STAB2: variants seen among roughly 807,000 people sequenced by gnomAD.
STAB2 encodes the protein stabilin-2.
STAB2 carries 288 observed loss-of-function variants against 338.1 expected under a neutral mutation model. The observed-to-expected ratio is 0.85, with a 90% CI of 0.77 to 0.94. The LOEUF is 0.94. Among genes scored for constraint, STAB2 ranks in the 40% least tolerant of loss-of-function variants. The probability of loss-of-function intolerance (pLI) is 0.00; values close to 1 mark genes in which losing one functional copy is unlikely to be tolerated. For synonymous variants in STAB2, 1,202 were observed against 1,193.3 expected (o/e 1.01, Z -0.15); for missense variants, 3,141 against 3,210.1 (o/e 0.98, Z 0.52).
At chr12:103,623,903 A>G (rs1199600366) in intron 5 of STAB2, among the ~76,000 whole-genome samples, 6 of 152,334 alleles carry the variant, frequency 3.9e-5, no homozygotes, top group African/African-American at 1.4e-4. Context: ...CCTGGAAGTT[A>G]GCTGGAATGC....
intron 22 of STAB2, among the ~76,000 whole-genome samples, chr12:103,672,294 A>G (rs1224578840): frequency 2.0e-5 from 3 of 152,140 alleles, no homozygotes; most frequent in Non-Finnish European, 4.4e-5. Flanking sequence ...TTAGATTTTC[A>G]TATTAGAGGA....
intron 59 of STAB2, among the ~76,000 whole-genome samples, chr12:103,749,919 A>G (rs17584045): frequency 0.03 from 4,569 of 150,974 alleles, 92 homozygotes; most frequent in Middle Eastern, 0.073. Flanking sequence ...GATGCAAGAT[A>G]ATGTCCGTTC....
At chr12:103,642,645 C>A (rs562354355) in intron 9 of STAB2, among the ~76,000 whole-genome samples, 1 of 152,290 alleles carries the variant, frequency 6.6e-6, no homozygotes, top group South Asian at 2.1e-4. Context: ...GCAACAGGAG[C>A]CCCTCCCCTG....
chr12:103,605,321 G>T (rs950938881), intron 3 of STAB2, among the ~76,000 whole-genome samples: 2 of 141,570 alleles, frequency 1.4e-5, no homozygotes, highest in African/African-American at 5.9e-5. Context: ...TTATTGACTT[G>T]TTTTATGACC....
At chr12:103,678,789 C>T (rs1360981945) in intron 25 of STAB2, among the ~76,000 whole-genome samples, 1 of 152,064 alleles carries the variant, frequency 6.6e-6, no homozygotes, top group Admixed American at 6.5e-5. Context: ...GCCTCGGCCT[C>T]CCAAAGTGCT....
At chr12:103,719,046 A>G (rs569263104) in intron 44 of STAB2, among the ~76,000 whole-genome samples, 1 of 152,306 alleles carries the variant, frequency 6.6e-6, no homozygotes, top group South Asian at 2.1e-4. Context: ...ATGTTATGCA[A>G]ACGAGGAGTT....
At chr12:103,616,710 G>C (rs536807695) in intron 3 of STAB2, among the ~76,000 whole-genome samples, 14 of 152,314 alleles carry the variant, frequency 9.2e-5, no homozygotes, top group African/African-American at 2.9e-4. Context: ...GAACAAGAGA[G>C]GGAAATAGTT....
intron 39 of STAB2, among the ~76,000 whole-genome samples, chr12:103,709,409 G>A (rs1879650398): frequency 6.6e-6 from 1 of 152,212 alleles, no homozygotes; most frequent in Admixed American, 6.5e-5. Context: ...AGCCATTAAA[G>A]AGTTTTCAAC....
intron 12 of STAB2, among the ~76,000 whole-genome samples, chr12:103,653,856 ATGG>A (rs1873969010): frequency 7.2e-6 from 1 of 138,398 alleles, no homozygotes; most frequent in African/African-American, 2.5e-5. Flanking sequence ...GGATGGATGG[ATGG>A]ATGGATGGAT....
At chr12:103,663,452 C>A (rs895972264) in intron 18 of STAB2, among the ~76,000 whole-genome samples, 1 of 152,170 alleles carries the variant, frequency 6.6e-6, no homozygotes, top group African/African-American at 2.4e-5. Context: ...CTGCAGGGGT[C>A]TCACTGTGTT....
chr12:103,604,566 C>T (rs942230503), intron 3 of STAB2, among the ~76,000 whole-genome samples: 2 of 151,880 alleles, frequency 1.3e-5, no homozygotes, highest in Non-Finnish European at 2.9e-5. Flanking sequence ...TATCTATTTC[C>T]TTTGAGTGAG....
intron 3 of STAB2, among the ~76,000 whole-genome samples, chr12:103,596,952 CAAAAAAAA>C (rs35439238): frequency 1.6e-5 from 1 of 64,482 alleles, no homozygotes; most frequent in Non-Finnish European, 2.8e-5. Flanking sequence ...GACCCTATCT[CAAAAAAAA>C]AAAAAAAAAA....
intron 8 of STAB2, 34 bp from the exon 9 acceptor site, chr12:103,640,089 A>T: frequency 1.3e-6 from 2 of 1,576,814 alleles, no homozygotes; most frequent in Non-Finnish European, 1.7e-6. Context: ...ACTAACTAGG[A>T]TCCTATTTGT....
chr12:103,677,556 C>T lies in STAB2; in HGVS notation c.2750C>T (p.Pro917Leu), dbSNP rs1876498739. The T allele has an allele frequency of 6.2e-7, 1 of 1,614,164 alleles. No homozygotes were observed. The highest frequency in any genetic ancestry group is 8.5e-7 in the Non-Finnish European group (1 of 1,180,012). Reference protein sequence around the residue: ...DCSEINNCLLPSAGGCHDNAS... With the variant: ...DCSEINNCLLLSAGGCHDNAS... ...TCGGAGATCAACAACTGCCTGCTGCCCAGTGCAGGCGGCTGCCACGACAAC... is the reference window on the plus strand; with the variant it reads ...TCGGAGATCAACAACTGCCTGCTGCTCAGTGCAGGCGGCTGCCACGACAAC... The change falls in exon 25 of 69, where the codon CCC becomes CTC. Residue 917 changes from proline to leucine, a missense_variant. By Grantham distance (98) the Pro-to-Leu change is moderately conservative (BLOSUM62 -3). Coordinates refer to ENST00000388887, the MANE Select transcript of STAB2 (RefSeq NM_017564.10).
intron 55 of STAB2, 21 bp downstream of exon 55, chr12:103,740,777 C>CT: frequency 6.4e-7 from 1 of 1,553,334 alleles, no homozygotes; most frequent in Non-Finnish European, 8.6e-7. Flanking sequence ...CTCTTCCCCC[C>CT]TCGCAACTCT....
chr12:103,765,086 C>CAAA (rs56002429), intron 68 of STAB2, among the ~76,000 whole-genome samples: 29 of 66,510 alleles, frequency 4.4e-4, no homozygotes, highest in East Asian at 2.2e-3. Context: ...GACTCTGTCT[C>CAAA]AAAAAAAAAA....
At chr12:103,741,240 C>T (rs1055246631) in intron 55 of STAB2, among the ~76,000 whole-genome samples, 1 of 152,152 alleles carries the variant, frequency 6.6e-6, no homozygotes, top group African/African-American at 2.4e-5. Flanking sequence ...CTTGCCAAAG[C>T]ACATTTGGGC....
chr12:103,608,769 T>C (rs1957074525), intron 3 of STAB2, among the ~76,000 whole-genome samples: 1 of 152,224 alleles, frequency 6.6e-6, no homozygotes, highest in African/African-American at 2.4e-5. Context: ...CCCATGCCTA[T>C]GTCCTGAATG....
At chr12:103,724,907 A>T in intron 44 of STAB2, 68 bp from the exon 45 acceptor site, 5 of 1,581,738 alleles carry the variant, frequency 3.2e-6, no homozygotes, top group Non-Finnish European at 4.3e-6. Context: ...ATTGCTTTGT[A>T]AATATCGGTA....
Sources: gnomAD v4.1 joint callset for allele counts (sites outside exome capture counted in the v4.1 genomes callset) on GRCh38, gnomAD v4.1.1 for gene constraint, MANE v1.5 for transcripts, NCBI Gene and HGNC (gene_info 2026-07-23, HGNC 2026-07-21) for gene names.